The following SCGB2B2 variants were observed in gnomAD, a reference collection of about 807,000 sequenced individuals.
SCGB2B2 encodes the protein secretoglobin-like protein.
A neutral mutation model predicts 7.6 loss-of-function variants in SCGB2B2; 11 were observed. The ratio of observed to expected loss-of-function variants is 1.45; its 90% confidence interval spans 0.91 to 2.40. SCGB2B2 has a LOEUF of 2.40. SCGB2B2 is among the 30% of genes most tolerant of loss of function. SCGB2B2 has a pLI of 0.00. For synonymous variants in SCGB2B2, 50 were observed against 48.6 expected, an observed-to-expected ratio of 1.03 and a Z score of -0.12; for missense variants, 104 against 115.4, an observed-to-expected ratio of 0.90 and a Z score of 0.45.
At chr19:34,630,094 C>G (rs867971212) in intron 1 of SCGB2B2, among the ~76,000 whole-genome samples, 7 of 151,882 alleles carry the variant, frequency 4.6e-5, no homozygotes, top group African/African-American at 1.7e-4. Context: ...CTTCCTTACA[C>G]CTTAAACAAA....
At chr19:34,650,035 C>T (rs1199519149) in intron 1 of SCGB2B2, among the ~76,000 whole-genome samples, 4 of 151,288 alleles carry the variant, frequency 2.6e-5, no homozygotes, top group Admixed American at 6.6e-5. Context: ...ATAACCGGGG[C>T]GTAAATGCCC....
intron 1 of SCGB2B2, among the ~76,000 whole-genome samples, chr19:34,604,697 G>A (rs2065730105): frequency 6.6e-6 from 1 of 152,048 alleles, no homozygotes; most frequent in South Asian, 2.1e-4. Flanking sequence ...AAAATCCTTT[G>A]AAATTTGTTG....
chr19:34,673,472 G>A (rs990415032), intron 1 of SCGB2B2, among the ~76,000 whole-genome samples: 1 of 152,176 alleles, frequency 6.6e-6, no homozygotes, highest in African/African-American at 2.4e-5. Context: ...GTGTCGCAGA[G>A]TGCAGTGAAA....
At chr19:34,672,194 A>C (rs2067819620) in intron 1 of SCGB2B2, among the ~76,000 whole-genome samples, 1 of 151,936 alleles carries the variant, frequency 6.6e-6, no homozygotes, top group African/African-American at 2.4e-5. Context: ...ATGTCATCTC[A>C]TCTGTAACTT....
chr19:34,625,998 C>G (rs2066365632), intron 1 of SCGB2B2, among the ~76,000 whole-genome samples: 1 of 152,198 alleles, frequency 6.6e-6, no homozygotes, highest in South Asian at 2.1e-4. Flanking sequence ...TGCTGATACC[C>G]AGGCAAACAG....
intron 1 of SCGB2B2, among the ~76,000 whole-genome samples, chr19:34,652,223 G>A (rs1326063609): frequency 9.3e-5 from 14 of 151,184 alleles, no homozygotes; most frequent in Admixed American, 8.5e-4. Context: ...GGCAAAGAGT[G>A]TATAGTGAAG....
intron 1 of SCGB2B2, among the ~76,000 whole-genome samples, chr19:34,661,747 G>C (rs2067463229): frequency 6.6e-6 from 1 of 152,086 alleles, no homozygotes; most frequent in Admixed American, 6.5e-5. Context: ...CGGCCTGCAG[G>C]CCCCATGCAG....
At chr19:34,644,361 T>G (rs201090925) in intron 1 of SCGB2B2, among the ~76,000 whole-genome samples, 48 of 98,190 alleles carry the variant, frequency 4.9e-4, no homozygotes, top group Non-Finnish European at 6.2e-4. Flanking sequence ...TTTTTTTTTT[T>G]GTTTTTTTTT....
intron 1 of SCGB2B2, among the ~76,000 whole-genome samples, chr19:34,641,479 T>C (rs780329673): frequency 1.9e-4 from 29 of 152,308 alleles, no homozygotes; most frequent in Middle Eastern, 3.4e-3. Flanking sequence ...AAGTGGGGAA[T>C]TGGCAAATTG....
intron 1 of SCGB2B2, among the ~76,000 whole-genome samples, chr19:34,619,983 CT>C (rs1201824370): frequency 1.3e-5 from 2 of 151,996 alleles, no homozygotes; most frequent in Admixed American, 1.3e-4. Flanking sequence ...TTTTAGATAA[CT>C]TTTGAATTAG....
At chr19:34,661,272 T>TA (rs200761458) in intron 1 of SCGB2B2, among the ~76,000 whole-genome samples, 1 of 150,588 alleles carries the variant, frequency 6.6e-6, no homozygotes, top group East Asian at 1.9e-4. Flanking sequence ...CAAAGTATAA[T>TA]AAAAAAATAA....
chr19:34,657,733 G>A (rs974388951), intron 1 of SCGB2B2, among the ~76,000 whole-genome samples: 2 of 152,116 alleles, frequency 1.3e-5, no homozygotes, highest in Non-Finnish European at 2.9e-5. Context: ...ACTCAGCTCT[G>A]CACCAAGCGG....
Position 34,632,422 on chromosome 19 carries a change from A to G in SCGB2B2, c.-2031-35828T>C, listed in dbSNP as rs201645036. On this transcript the variant is annotated intron_variant, in intron 1 of 3. Coordinates refer to ENST00000601241, the MANE Select transcript of SCGB2B2 (RefSeq NM_001025591.4). Reference sequence around the variant, plus strand: ...AACCCTCAAAACTCAATAATAAAGAAAAGAGTTTAAATGGGCAAAAGATTT... The same window carrying G: ...AACCCTCAAAACTCAATAATAAAGAGAAGAGTTTAAATGGGCAAAAGATTT... 6.6e-5 allele frequency among the ~76,000 whole-genome samples: 10 copies of G among 152,342 alleles called. No individual in the cohort carries two copies. In the East Asian group the frequency reaches 1.2e-3, roughly 18 times the overall value.
chr19:34,612,389 G>T (rs2065957934), intron 1 of SCGB2B2, among the ~76,000 whole-genome samples: 1 of 152,108 alleles, frequency 6.6e-6, no homozygotes, highest in African/African-American at 2.4e-5. Context: ...ACACAGAATA[G>T]ATACTTGATA....
intron 1 of SCGB2B2, among the ~76,000 whole-genome samples, chr19:34,606,712 A>G (rs1400254467): frequency 6.6e-6 from 1 of 151,962 alleles, no homozygotes; most frequent in Non-Finnish European, 1.5e-5. Flanking sequence ...TATAACTTTT[A>G]TTACAGTATA....
chr19:34,624,627 A>G (rs2066320172), intron 1 of SCGB2B2, among the ~76,000 whole-genome samples: 1 of 152,194 alleles, frequency 6.6e-6, no homozygotes, highest in East Asian at 1.9e-4. Flanking sequence ...AAAGTCTGGA[A>G]GTCCTGGTGG....
At chr19:34,623,324 G>C (rs369161467) in intron 1 of SCGB2B2, among the ~76,000 whole-genome samples, 2 of 152,178 alleles carry the variant, frequency 1.3e-5, no homozygotes, top group African/African-American at 4.8e-5. Flanking sequence ...TGCACTCGAG[G>C]AAAGTGCAGG....
At chr19:34,637,157 G>T (rs1160645176) in intron 1 of SCGB2B2, among the ~76,000 whole-genome samples, 2 of 152,200 alleles carry the variant, frequency 1.3e-5, no homozygotes, top group Admixed American at 1.3e-4. Flanking sequence ...GGGCAGAATT[G>T]GGGGCAGAGA....
intron 1 of SCGB2B2, among the ~76,000 whole-genome samples, chr19:34,598,264 G>A (rs1171061796): frequency 6.6e-6 from 1 of 152,126 alleles, no homozygotes; most frequent in Non-Finnish European, 1.5e-5. Flanking sequence ...AGCAGTGTGC[G>A]GCACACTGGG....
Sources: allele counts gnomAD v4.1 joint callset (sites outside exome capture counted in the v4.1 genomes callset), GRCh38; gene constraint gnomAD v4.1.1; transcripts MANE v1.5; gene names NCBI Gene and HGNC (gene_info 2026-07-23, HGNC 2026-07-21).